HEATR5B: variants seen among roughly 807,000 people sequenced by gnomAD.
HEATR5B encodes the protein HEAT repeat containing 5B, also known as HEAT repeat-containing protein 5B.
HEATR5B carries 156 observed loss-of-function variants against 224.1 expected under a neutral mutation model. That is an observed-to-expected ratio of 0.70 (90% confidence interval 0.61 to 0.80). The LOEUF (loss-of-function observed/expected upper bound fraction) is 0.80, where lower values mean the gene tolerates loss of function less well. Among genes scored for constraint, HEATR5B ranks in the 30% least tolerant of loss-of-function variants. The probability of loss-of-function intolerance (pLI) is 0.00; values close to 1 mark genes in which losing one functional copy is unlikely to be tolerated. For synonymous variants in HEATR5B, 1,027 were observed against 893.0 expected (o/e 1.15, Z -2.68); for missense variants, 2,323 against 2,535.5 (o/e 0.92, Z 1.80).
chr2:37,055,193 T>C, intron 16 of HEATR5B: 1 of 258,310 alleles, frequency 3.9e-6, no homozygotes, highest in Non-Finnish European at 8.1e-6. Flanking sequence ...CATTGTATCA[T>C]GAGCATCTTC....
intron 13 of HEATR5B, 144 bp from the exon 14 acceptor site, chr2:37,058,704 A>G: frequency 1.4e-6 from 1 of 696,578 alleles, no homozygotes; most frequent in Non-Finnish European, 2.4e-6. Context: ...CTTTGCTGTA[A>G]CAAAAACACT....
intron 27 of HEATR5B, among the ~76,000 whole-genome samples, chr2:37,010,278 C>T (rs753731136): frequency 2.0e-5 from 3 of 152,104 alleles, no homozygotes; most frequent in Non-Finnish European, 2.9e-5. Context: ...AGTGTTACAT[C>T]CATTGTACCT....
chr2:36,985,291 C>T (rs936723723), intron 35 of HEATR5B, among the ~76,000 whole-genome samples: 3 of 152,032 alleles, frequency 2.0e-5, no homozygotes, highest in Admixed American at 2.0e-4. Context: ...ACTTGTGTGC[C>T]TTTGGTTTTT....
Position 37,032,657 on chromosome 2 carries a change from A to G in HEATR5B, c.3333T>C (p.Asn1111=), listed in dbSNP as rs1369645251. The part of the protein sequence containing the change: ...VCEYAMSLAK[N]TGDKESSSAN... ...CACTACTGCTCTCTTTGTCCCCTGT[A>G]TTTTTTGCCAGGCTCATGGCATATT... is the stretch of plus-strand genomic sequence containing the variant. The change falls in exon 22 of 36, where the codon AAT becomes AAC. Residue 1111 remains asparagine (N), a synonymous_variant. Transcript: ENST00000233099. The G allele has an allele frequency of 1.2e-6, 2 of 1,613,742 alleles. No homozygotes were observed. The highest frequency in any genetic ancestry group is 1.1e-5 in the South Asian group (1 of 90,966).
At chr2:37,004,098 C>T (rs1370480538) in intron 30 of HEATR5B, among the ~76,000 whole-genome samples, 1 of 152,178 alleles carries the variant, frequency 6.6e-6, no homozygotes, top group Non-Finnish European at 1.5e-5. Context: ...CTATTCACTT[C>T]AGCAACTACT....
chr2:37,022,679 T>C (rs1668538179), intron 24 of HEATR5B, among the ~76,000 whole-genome samples: 1 of 152,168 alleles, frequency 6.6e-6, no homozygotes, highest in Non-Finnish European at 1.5e-5. Flanking sequence ...ATCTACAAAA[T>C]AAGAAGGAAA....
chr2:37,037,082 G>C (rs1431822126), intron 21 of HEATR5B, among the ~76,000 whole-genome samples: 1 of 145,060 alleles, frequency 6.9e-6, no homozygotes, highest in Non-Finnish European at 1.5e-5. Context: ...GATACCAACA[G>C]ATACTCAGAA....
intron 30 of HEATR5B, 121 bp from the exon 31 acceptor site, chr2:37,003,807 T>C (rs1275962665): frequency 1.4e-5 from 8 of 574,710 alleles, no homozygotes; most frequent in Non-Finnish European, 2.3e-5. Context: ...AATTAAAATA[T>C]AGGACTACGT....
chr2:37,011,333 T>G (rs1667772661), intron 27 of HEATR5B, among the ~76,000 whole-genome samples: 1 of 152,160 alleles, frequency 6.6e-6, no homozygotes, highest in African/African-American at 2.4e-5. Flanking sequence ...GTATGCAAAT[T>G]TCTCATATAG....
In HEATR5B at chr2:37,079,332, C is replaced by T. The variant is rs763620752; in HGVS notation, c.127-1G>A. 14 of 1,560,718 alleles carry T rather than the reference C, an allele frequency of 9.0e-6. No homozygotes were observed. The highest frequency in any genetic ancestry group is 1.2e-5 in the Non-Finnish European group (14 of 1,157,230). ...TTTTCTGTTTTTCCTTTACATCGGT[C>T]TGTTACAAAAAAAATTTTTAAAAGA... On this transcript the variant is annotated splice_acceptor_variant, in intron 2 of 35. Coordinates refer to ENST00000233099, the MANE Select transcript of HEATR5B (RefSeq NM_019024.3). LOFTEE classifies it high-confidence loss of function.
intron 21 of HEATR5B, among the ~76,000 whole-genome samples, chr2:37,033,595 ATT>A (rs1348882344): frequency 6.6e-6 from 1 of 152,170 alleles, no homozygotes; most frequent in Non-Finnish European, 1.5e-5. Context: ...TTGCCACAGT[ATT>A]TTTTTCATCT....
intron 18 of HEATR5B, among the ~76,000 whole-genome samples, chr2:37,047,077 CTCCCTCCTGTAA>C (rs1402552910): frequency 2.1e-5 from 3 of 143,558 alleles, no homozygotes; most frequent in Non-Finnish European, 3.0e-5. Context: ...GGTGTGGTGT[CTCCCTCCTGTAA>C]TCCCAACTAC....
rs113584640 is a variant in HEATR5B, at chr2:37,011,083, T to C, written c.4285-2235A>G. Among the ~76,000 whole-genome samples the C allele has an allele frequency of 5.8e-3, 890 of 152,348 alleles. 5 individuals carry two copies. Among genetic ancestry groups the C allele is most frequent in the South Asian group, 0.017 (81 of 4,832 alleles). ...TAATGCTTTATCTTCTAGTACACTC[T>C]ACCCAGTGCACAGACAGTGTCTGGT... On this transcript the variant is annotated intron_variant, in intron 27 of 35. Coordinates refer to ENST00000233099, the MANE Select transcript of HEATR5B (RefSeq NM_019024.3).
At chr2:36,998,309 T>C (rs968117751) in intron 33 of HEATR5B, among the ~76,000 whole-genome samples, 2 of 152,232 alleles carry the variant, frequency 1.3e-5, no homozygotes, top group Non-Finnish European at 2.9e-5. Flanking sequence ...AAAATGTTAA[T>C]GCTTACTAAG....
At chr2:37,008,118 A>T (rs1469318463) in intron 28 of HEATR5B, 2 of 163,436 alleles carry the variant, frequency 1.2e-5, no homozygotes, top group Non-Finnish European at 2.7e-5. Context: ...AATATATAGG[A>T]AGGAGAATGG....
rs564005692 is a variant in HEATR5B, at chr2:36,999,077, G to C, written c.5545+1509C>G. 6.6e-5 allele frequency among the ~76,000 whole-genome samples: 10 copies of C among 152,104 alleles called. No individual in the cohort carries two copies. In the East Asian group the frequency reaches 1.9e-3, roughly 30 times the overall value. ...AAAATACAAAAATTAGCTGGGCGTG[G>C]TGGTGCGTGCCTGTAATCCCAGCTA... On this transcript the variant is annotated intron_variant, in intron 33 of 35. Transcript: ENST00000233099.
rs893846419 is a variant in HEATR5B, at chr2:37,007,136, G to T, written c.4691C>A (p.Ser1564Tyr). Residue 1564 changes from serine (S) to tyrosine (Y), a missense_variant, in exon 29 of 36, where the codon TCT becomes TAT. Coordinates refer to ENST00000233099, the MANE Select transcript of HEATR5B (RefSeq NM_019024.3). ...TCCTGATGCCTGGTTTAAATTGACA[G>T]ATGTAGAACGTTTTTGTAAACCAGA... Reference protein sequence around the residue: ...AISGLQKRSTSVNLNQASGAV... With the variant: ...AISGLQKRSTYVNLNQASGAV... The T allele has an allele frequency of 6.2e-7, 1 of 1,613,950 alleles. No individual in the cohort carries two copies. The highest frequency in any genetic ancestry group is 1.7e-5 in the Admixed American group (1 of 59,978).
intron 33 of HEATR5B, among the ~76,000 whole-genome samples, chr2:36,995,543 T>C (rs563578599): frequency 6.6e-6 from 1 of 152,350 alleles, no homozygotes; most frequent in Non-Finnish European, 1.5e-5. Flanking sequence ...CTGGTAATTT[T>C]TTAGAAGTCA....
intron 19 of HEATR5B, chr2:37,040,884 A>G (rs903273902): frequency 2.4e-6 from 1 of 422,956 alleles, no homozygotes; most frequent in Non-Finnish European, 4.1e-6. Flanking sequence ...AGAGGAAAAA[A>G]GTACACAGAA....
Sources: allele counts gnomAD v4.1 joint callset (sites outside exome capture counted in the v4.1 genomes callset), GRCh38; gene constraint gnomAD v4.1.1; transcripts MANE v1.5; gene names NCBI Gene and HGNC (gene_info 2026-07-23, HGNC 2026-07-21).